DUSP14: variants seen among roughly 807,000 people sequenced by gnomAD.
The protein encoded by DUSP14 is dual specificity phosphatase 14, also known as dual specificity protein phosphatase 14.
DUSP14 carries 5 observed loss-of-function variants against 13.2 expected under a neutral mutation model. The ratio of observed to expected loss-of-function variants is 0.38; its 90% CI spans 0.20 to 0.80. The LOEUF is 0.80. DUSP14 is among the 30% of genes least tolerant of loss of function. DUSP14 has a pLI of 0.44. For synonymous variants in DUSP14, 91 were observed against 103.4 expected (o/e 0.88, Z 0.73); for missense variants, 185 against 264.0 (o/e 0.70, Z 2.07).
intron 1 of DUSP14, among the ~76,000 whole-genome samples, chr17:37,505,994 G>A (rs2054135410): frequency 6.6e-6 from 1 of 152,196 alleles, no homozygotes; most frequent in South Asian, 2.1e-4. Flanking sequence ...TGGGCTCAGT[G>A]GTTCAAGCCT....
chr17:37,495,697 A>C (rs2054060085), intron 1 of DUSP14, among the ~76,000 whole-genome samples: 1 of 151,112 alleles, frequency 6.6e-6, no homozygotes, highest in East Asian at 1.9e-4. Context: ...GTCTTGCTCC[A>C]TCACCAGGCT....
intron 1 of DUSP14, among the ~76,000 whole-genome samples, chr17:37,495,403 C>G (rs2054056865): frequency 6.6e-6 from 1 of 152,212 alleles, no homozygotes; most frequent in Non-Finnish European, 1.5e-5. Context: ...TATGCAACTG[C>G]TGGGTTTACT....
intron 2 of DUSP14, among the ~76,000 whole-genome samples, chr17:37,511,390 C>T (rs1361019843): frequency 2.6e-5 from 4 of 152,076 alleles, no homozygotes; most frequent in Admixed American, 6.6e-5. Flanking sequence ...AAGCGTGTCT[C>T]TTGCCTCAGC....
intron 1 of DUSP14, among the ~76,000 whole-genome samples, chr17:37,497,787 T>C (rs999873587): frequency 6.7e-6 from 1 of 149,020 alleles, no homozygotes; most frequent in African/African-American, 2.5e-5. Context: ...TGGTGGCCCA[T>C]GCCTACAATC....
rs1279850236 is a variant in DUSP14, at chr17:37,513,094, A to AT, written c.*226dup. The AT allele has an allele frequency of 2.4e-5, 13 of 545,756 alleles. No individual in the cohort carries two copies. Among genetic ancestry groups the AT allele is most frequent in the African/African-American group, 2.3e-4 (12 of 52,868 alleles). The allele number at this position is 545,756 out of a possible 1,614,324, so 33.8% of individuals were successfully genotyped here. ...AAATTAACATTTTGGAATAGTGTTTATGGAAATCTTTAGCTTTTAATCATT... is the reference window on the plus strand; with the variant it reads ...AAATTAACATTTTGGAATAGTGTTTATTGGAAATCTTTAGCTTTTAATCATT... On this transcript the variant is annotated 3_prime_UTR_variant, in exon 3 of 3. Transcript: ENST00000617516.
chr17:37,494,033 G>A (rs1434873785), intron 1 of DUSP14, among the ~76,000 whole-genome samples: 3 of 143,116 alleles, frequency 2.1e-5, no homozygotes, highest in Non-Finnish European at 3.0e-5. Context: ...TCACTCTGTC[G>A]CCCAGGCTGG....
At chr17:37,511,898 T>C (rs2054189249) in intron 2 of DUSP14, among the ~76,000 whole-genome samples, 1 of 136,912 alleles carries the variant, frequency 7.3e-6, no homozygotes, top group Non-Finnish European at 1.6e-5. Flanking sequence ...TGGGATTACA[T>C]GTATGAGCCA....
intron 2 of DUSP14, among the ~76,000 whole-genome samples, chr17:37,511,704 C>T (rs1010783177): frequency 9.4e-5 from 14 of 149,390 alleles, no homozygotes; most frequent in African/African-American, 3.5e-4. Flanking sequence ...CTGCCCACCT[C>T]AGTCTCCTGA....
chr17:37,501,217 A>G (rs913272335), intron 1 of DUSP14, among the ~76,000 whole-genome samples: 16 of 152,216 alleles, frequency 1.1e-4, no homozygotes, highest in Non-Finnish European at 1.9e-4. Context: ...ACGTGCTGCC[A>G]CAGGTCAGAT....
chr17:37,491,615 C>T (rs1162691324), intron 1 of DUSP14: 3 of 152,070 alleles, frequency 2.0e-5, no homozygotes, highest in Non-Finnish European at 4.4e-5. Context: ...GCTTTCATAT[C>T]GGTTGACTGC....
intron 1 of DUSP14, among the ~76,000 whole-genome samples, chr17:37,507,416 G>C (rs1055904892): frequency 6.6e-6 from 1 of 152,200 alleles, no homozygotes; most frequent in Admixed American, 6.5e-5. Context: ...CTTCTACAGG[G>C]AACCTGGGCT....
At chr17:37,501,804 A>C (rs1418755653) in intron 1 of DUSP14, among the ~76,000 whole-genome samples, 2 of 152,172 alleles carry the variant, frequency 1.3e-5, no homozygotes, top group Non-Finnish European at 2.9e-5. Flanking sequence ...GGCATGAGCC[A>C]CCGTGCCTGG....
At chr17:37,497,774 G>A (rs1373434116) in intron 1 of DUSP14, among the ~76,000 whole-genome samples, 5 of 151,044 alleles carry the variant, frequency 3.3e-5, no homozygotes, top group Admixed American at 3.3e-4. Flanking sequence ...ACAAGACTAA[G>A]CATGGTGGCC....
chr17:37,497,629 T>C (rs1288826067), intron 1 of DUSP14, among the ~76,000 whole-genome samples: 1 of 147,392 alleles, frequency 6.8e-6, no homozygotes, highest in East Asian at 2.1e-4. Flanking sequence ...ATGTGGTGGC[T>C]CATGGCTATC....
intron 1 of DUSP14, among the ~76,000 whole-genome samples, chr17:37,506,705 C>A (rs1342467678): frequency 6.6e-6 from 1 of 152,152 alleles, no homozygotes; most frequent in African/African-American, 2.4e-5. Flanking sequence ...TTCTACTGAT[C>A]TGATCTGAGA....
chr17:37,512,432 A>T lies in DUSP14; in HGVS notation c.160A>T (p.Thr54Ser). 6.2e-7 allele frequency: 1 copy of T among 1,614,098 alleles called. No individual in the cohort carries two copies. The highest frequency in any genetic ancestry group is 8.5e-7 in the Non-Finnish European group (1 of 1,180,010). Residue 54 changes from threonine (T) to serine (S), a missense_variant, in exon 3 of 3, where the codon ACC becomes TCC. Coordinates refer to ENST00000617516, the MANE Select transcript of DUSP14 (RefSeq NM_007026.4). This position sits in a 1 kb window ranked among gnomAD's most constrained non-coding sequence, Gnocchi z 4.8. ...GCACCTCCTCCAGGCTCGTGGCATC[A>T]CCTGCATTGTTAATGCTACCATTGA... ...NRHLLQARGI[T>S]CIVNATIEIP...
intron 1 of DUSP14, among the ~76,000 whole-genome samples, chr17:37,498,619 C>T (rs1022407560): frequency 6.6e-6 from 1 of 151,870 alleles, no homozygotes; most frequent in Non-Finnish European, 1.5e-5. Flanking sequence ...AGCCACCGCA[C>T]CCGGCCTAGA....
intron 1 of DUSP14, among the ~76,000 whole-genome samples, chr17:37,501,157 C>T (rs1441579320): frequency 6.6e-6 from 1 of 152,140 alleles, no homozygotes; most frequent in Non-Finnish European, 1.5e-5. Context: ...GATACTGATC[C>T]GGGAGAGGCT....
chr17:37,511,937 A>AGTTTTTTTTTTTTTTTTTTTTTTTT lies in DUSP14; in HGVS notation c.-92-244_-92-243insGTTTTTTTTTTTTTTTTTTTTTTTT, dbSNP rs1329764853. 6.7e-4 allele frequency among the ~76,000 whole-genome samples: 11 copies of AGTTTTTTTTTTTTTTTTTTTTTTTT among 16,436 alleles called. 2 individuals carry two copies. Among genetic ancestry groups the AGTTTTTTTTTTTTTTTTTTTTTTTT allele is most frequent in the Non-Finnish European group, 1.0e-3 (9 of 8,654 alleles). 10.8% of individuals were successfully genotyped at this position (16,436 alleles called of 152,430 possible). A position where few individuals can be genotyped will look rare whatever the true frequency, so the allele number is the denominator to read the frequency against. On this transcript the variant is annotated intron_variant, in intron 2 of 2. Coordinates refer to ENST00000617516, the MANE Select transcript of DUSP14 (RefSeq NM_007026.4). The stretch of plus-strand genomic sequence containing the variant: ...TGCCCAGCCACCCCCCCCCCACCCC[A>AGTTTTTTTTTTTTTTTTTTTTTTTT]CTTTTTTTTTTTTTTTTTTGGACAA...
Sources: gnomAD v4.1 joint callset for allele counts (sites outside exome capture counted in the v4.1 genomes callset) on GRCh38, gnomAD v4.1.1 for gene constraint, Gnocchi (gnomAD v3.1) non-coding constraint, MANE v1.5 for transcripts, NCBI Gene and HGNC (gene_info 2026-07-23, HGNC 2026-07-21) for gene names.